Variants in TYW1 observed in about 807,000 individuals in gnomAD.
The protein encoded by TYW1 is tRNA-yW synthesizing protein 1 homolog.
In TYW1, 46 loss-of-function variants were observed where a neutral mutation model predicts 96.2. The ratio of observed to expected loss-of-function variants is 0.48; its 90% confidence interval spans 0.38 to 0.61. The LOEUF (loss-of-function observed/expected upper bound fraction) is 0.61, where lower values mean the gene tolerates loss of function less well. Among genes scored for constraint, TYW1 ranks in the 20% least tolerant of loss-of-function variants. TYW1 has a pLI of 0.00. For synonymous variants in TYW1, 274 were observed against 323.0 expected (o/e 0.85, Z 1.63); for missense variants, 684 against 909.6 (o/e 0.75, Z 3.19).
intron 15 of TYW1, among the ~76,000 whole-genome samples, chr7:67,226,116 C>A (rs1303731871): frequency 6.6e-6 from 1 of 152,192 alleles, no homozygotes; most frequent in African/African-American, 2.4e-5. Context: ...GAGATCTCAC[C>A]TAACCGACTG....
chr7:67,193,146 C>G (rs568597017), intron 14 of TYW1, among the ~76,000 whole-genome samples: 13 of 152,088 alleles, frequency 8.5e-5, no homozygotes, highest in Non-Finnish European at 1.8e-4. Context: ...TGTTTATTTT[C>G]TTATACGGCC....
intron 13 of TYW1, among the ~76,000 whole-genome samples, chr7:67,153,230 C>T (rs1183707832): frequency 3.3e-5 from 5 of 152,116 alleles, no homozygotes; most frequent in African/African-American, 1.2e-4. Context: ...CCAAGGTGGG[C>T]AGATCACTTG....
intron 5 of TYW1, among the ~76,000 whole-genome samples, chr7:67,016,729 G>T (rs1490427105): frequency 6.6e-6 from 1 of 152,068 alleles, no homozygotes; most frequent in Non-Finnish European, 1.5e-5. Context: ...CTGGGCTCAG[G>T]TGATCCTCCC....
chr7:67,114,740 C>T (rs1405343792), intron 12 of TYW1, among the ~76,000 whole-genome samples: 1 of 152,170 alleles, frequency 6.6e-6, no homozygotes, highest in Non-Finnish European at 1.5e-5. Context: ...TACTGGGAGC[C>T]TCATTATCTC....
At chr7:67,012,993 G>A (rs1312734688) in intron 4 of TYW1, among the ~76,000 whole-genome samples, 1 of 151,854 alleles carries the variant, frequency 6.6e-6, no homozygotes, top group Non-Finnish European at 1.5e-5. Context: ...TTGTATCCCC[G>A]GGATTTGCAA....
intron 7 of TYW1, among the ~76,000 whole-genome samples, chr7:67,027,856 G>A (rs2129248409): frequency 6.6e-6 from 1 of 151,744 alleles, no homozygotes; most frequent in African/African-American, 2.4e-5. Flanking sequence ...CGTGAACCCG[G>A]GAGGCAGAGC....
chr7:67,224,774 A>AT (rs1801504808), intron 15 of TYW1, among the ~76,000 whole-genome samples: 1 of 152,190 alleles, frequency 6.6e-6, no homozygotes, highest in Admixed American at 6.5e-5. Context: ...AACCAGTAAC[A>AT]TTTATTAAGG....
At chr7:67,099,591 A>G (rs1797025681) in intron 12 of TYW1, among the ~76,000 whole-genome samples, 1 of 152,212 alleles carries the variant, frequency 6.6e-6, no homozygotes, top group Admixed American at 6.5e-5. Flanking sequence ...GTCTGCTGGC[A>G]TGGTATGCAA....
intron 13 of TYW1, among the ~76,000 whole-genome samples, chr7:67,160,915 G>A (rs1799144327): frequency 6.6e-6 from 1 of 152,024 alleles, no homozygotes; most frequent in Admixed American, 6.6e-5. Flanking sequence ...TTTAAGGTAT[G>A]ATAAGACACA....
intron 7 of TYW1, among the ~76,000 whole-genome samples, chr7:67,030,911 A>G (rs1657598399): frequency 6.6e-6 from 1 of 151,966 alleles, no homozygotes; most frequent in Non-Finnish European, 1.5e-5. Context: ...TTAAAAAAAA[A>G]ATTAGTTGGC....
chr7:67,002,340 A>G (rs1244181609), intron 3 of TYW1, among the ~76,000 whole-genome samples: 4 of 150,732 alleles, frequency 2.7e-5, no homozygotes, highest in Admixed American at 2.0e-4. Flanking sequence ...GCCCATCTCA[A>G]TATTGGGCTA....
intron 13 of TYW1, among the ~76,000 whole-genome samples, chr7:67,160,105 A>G (rs1217214203): frequency 2.6e-5 from 4 of 152,170 alleles, no homozygotes; most frequent in South Asian, 4.2e-4. Context: ...CCTGGCCCCA[A>G]AAATTTTTAA....
chr7:67,120,174 T>C (rs57083633), intron 13 of TYW1, among the ~76,000 whole-genome samples: 42,011 of 151,974 alleles, frequency 0.28, 6,646 homozygotes, highest in African/African-American at 0.44. Flanking sequence ...GTCTGCCTCC[T>C]GGGTTCAAGT....
chr7:67,146,887 T>C (rs1798624579), intron 13 of TYW1, among the ~76,000 whole-genome samples: 1 of 144,822 alleles, frequency 6.9e-6, no homozygotes, highest in Non-Finnish European at 1.5e-5. Flanking sequence ...TTCTGCAGTG[T>C]ACTTCATGGT....
chr7:67,026,064 A>T (rs1446221930), intron 7 of TYW1, among the ~76,000 whole-genome samples: 1 of 152,058 alleles, frequency 6.6e-6, no homozygotes, highest in Non-Finnish European at 1.5e-5. Flanking sequence ...ATAATTACCT[A>T]TCGATTAATT....
rs771881560 is a variant in TYW1 at position 67,083,432 on chromosome 7, A to G, written c.1277A>G (p.His426Arg). The G allele has an allele frequency of 3.7e-6, 6 of 1,613,994 alleles. No individual in the cohort carries two copies. The East Asian group carries it at 1.1e-4, about 30-fold the overall frequency. The change falls in exon 11 of 16, where the codon CAC becomes CGC. Residue 426 changes from histidine to arginine, a missense_variant and splice_region_variant. Coordinates refer to ENST00000359626, the MANE Select transcript of TYW1 (RefSeq NM_018264.4). ...AGAACTTTGCATCTTGTTCCTAGGC[A>G]CCACACCAACCCCGTGGGCACTGAG... is the stretch of plus-strand genomic sequence containing the variant. Reference protein sequence around the residue: ...CANKCVFCWRHHTNPVGTEWR... With the variant: ...CANKCVFCWRRHTNPVGTEWR...
intron 12 of TYW1, among the ~76,000 whole-genome samples, chr7:67,111,559 C>T (rs770344235): frequency 6.4e-4 from 97 of 152,144 alleles, no homozygotes; most frequent in Non-Finnish European, 1.2e-3. Flanking sequence ...AATAGACTAT[C>T]ACTAAAGTCT....
chr7:67,099,049 G>A (rs904988237), intron 12 of TYW1, among the ~76,000 whole-genome samples: 2 of 149,236 alleles, frequency 1.3e-5, no homozygotes, highest in Non-Finnish European at 3.0e-5. Flanking sequence ...TTTTTGAGTC[G>A]GAGTCTCACT....
chr7:67,234,644 G>C (rs1030110440), intron 15 of TYW1, among the ~76,000 whole-genome samples: 6 of 151,778 alleles, frequency 4.0e-5, no homozygotes, highest in Non-Finnish European at 7.4e-5. Context: ...CTTCCAGTTA[G>C]TTTTTTAGAC....
Sources: allele counts gnomAD v4.1 joint callset (sites outside exome capture counted in the v4.1 genomes callset), GRCh38; gene constraint gnomAD v4.1.1; transcripts MANE v1.5; gene names NCBI Gene and HGNC (gene_info 2026-07-23, HGNC 2026-07-21).